Variants in LEMD1 observed in about 807,000 individuals in gnomAD.
The protein encoded by LEMD1 is LEM domain containing 1.
LEMD1 carries 18 observed loss-of-function variants against 17.4 expected under a neutral mutation model. The observed-to-expected ratio is 1.04, with a 90% CI of 0.72 to 1.54. The LOEUF is 1.54. Among genes scored for constraint, LEMD1 ranks in the 40% most tolerant of loss-of-function variants. The pLI is 0.00. For synonymous variants in LEMD1, 88 were observed against 77.8 expected, an observed-to-expected ratio of 1.13 and a Z score of -0.69; for missense variants, 195 against 210.4, an observed-to-expected ratio of 0.93 and a Z score of 0.45.
intron 1 of LEMD1, chr1:205,435,965 G>C (rs894911168): frequency 8.5e-5 from 13 of 152,250 alleles, no homozygotes; most frequent in African/African-American, 3.1e-4. Flanking sequence ...TAAAGGATGA[G>C]GGCAGAAACC....
chr1:205,385,512 T>C (rs1052321358), intron 4 of LEMD1: 1 of 152,180 alleles, frequency 6.6e-6, no homozygotes, highest in Non-Finnish European at 1.5e-5. Context: ...CCTTATGTTT[T>C]ATTTATTCAT....
At chr1:205,427,896 T>C (rs1666077804) in intron 1 of LEMD1, among the ~76,000 whole-genome samples, 1 of 152,222 alleles carries the variant, frequency 6.6e-6, no homozygotes, top group South Asian at 2.1e-4. Context: ...GTCAATTCCA[T>C]ACTCGTGAAA....
At chr1:205,449,354 C>A (rs1320850787) in intron 1 of LEMD1, among the ~76,000 whole-genome samples, 2 of 152,120 alleles carry the variant, frequency 1.3e-5, no homozygotes, top group Non-Finnish European at 2.9e-5. Flanking sequence ...CTAGCCCAGG[C>A]TCAGGAAAGC....
At chr1:205,432,561 G>A (rs1007587468) in intron 1 of LEMD1, among the ~76,000 whole-genome samples, 1 of 152,260 alleles carries the variant, frequency 6.6e-6, no homozygotes, top group East Asian at 1.9e-4. Context: ...ACTTTGGAGA[G>A]GAGAGGAATT....
At chr1:205,438,992 C>A (rs1401382507) in intron 1 of LEMD1, among the ~76,000 whole-genome samples, 1 of 152,232 alleles carries the variant, frequency 6.6e-6, no homozygotes, top group Non-Finnish European at 1.5e-5. Context: ...GTGGTCAGGA[C>A]ATAACACCCA....
chr1:205,396,398 C>T (rs1664593262), intron 4 of LEMD1, among the ~76,000 whole-genome samples: 3 of 152,042 alleles, frequency 2.0e-5, no homozygotes. Context: ...TTAAGTTGAA[C>T]ATGTGTAGAC....
At chr1:205,438,898 C>T (rs1666250536) in intron 1 of LEMD1, among the ~76,000 whole-genome samples, 2 of 152,100 alleles carry the variant, frequency 1.3e-5, no homozygotes, top group Admixed American at 1.3e-4. Flanking sequence ...CTGAGAGGCG[C>T]ACAAGGGGAA....
intron 1 of LEMD1, among the ~76,000 whole-genome samples, chr1:205,427,471 T>G (rs974020393): frequency 7.0e-5 from 10 of 143,284 alleles, no homozygotes; most frequent in Non-Finnish European, 1.4e-4. Context: ...CTGCTTTTTC[T>G]CAAAAGAACA....
chr1:205,428,314 A>G (rs937714364), intron 1 of LEMD1, among the ~76,000 whole-genome samples: 27 of 152,150 alleles, frequency 1.8e-4, no homozygotes, highest in African/African-American at 6.5e-4. Context: ...TATCTTTGAG[A>G]AAGAGCCCTT....
intron 4 of LEMD1, among the ~76,000 whole-genome samples, chr1:205,412,788 C>T (rs1052230571): frequency 1.3e-5 from 2 of 152,164 alleles, no homozygotes; most frequent in African/African-American, 4.8e-5. Context: ...CTATTTAATT[C>T]TATTGCCAAT....
At chr1:205,431,368 T>C (rs1666123508) in intron 1 of LEMD1, among the ~76,000 whole-genome samples, 1 of 152,236 alleles carries the variant, frequency 6.6e-6, no homozygotes, top group African/African-American at 2.4e-5. Flanking sequence ...TTAACTCATA[T>C]TGAACACCTG....
chr1:205,381,906 T>A (rs769738285), intron 5 of LEMD1, 50 bp from the exon 6 acceptor site: 28 of 1,581,052 alleles, frequency 1.8e-5, no homozygotes, highest in Non-Finnish European at 2.3e-5. Context: ...GTGGTGCACT[T>A]GAGTAGCCCC....
Position 205,419,258 on chromosome 1 carries a change from A to C in LEMD1, c.177T>G (p.Asp59Glu). Residue 59 changes from aspartate to glutamate, a missense_variant, in exon 3 of 6, where the codon GAT becomes GAG. By Grantham distance (45) the Asp-to-Glu change is conservative. Transcript: ENST00000367153. Reference protein sequence around the residue: ...PPVMNGPRELDGAQDSDDSEE... With the variant: ...PPVMNGPRELEGAQDSDDSEE... The stretch of plus-strand genomic sequence containing the variant: ...CGCTGTCATCACTGTCCTGCGCTCC[A>C]TCCAGCTCTCTGGGTCCATTCATCA... 6.2e-7 allele frequency: 1 copy of C among 1,614,182 alleles called. No individual in the cohort carries two copies. Among genetic ancestry groups the C allele is most frequent in the Non-Finnish European group, 8.5e-7 (1 of 1,180,020 alleles).
upstream of LEMD1, among the ~76,000 whole-genome samples, chr1:205,425,616 G>A (rs1666044338): frequency 6.6e-6 from 1 of 152,180 alleles, no homozygotes; most frequent in Non-Finnish European, 1.5e-5. Flanking sequence ...GAGCCCAGTA[G>A]ACTCCACTCT....
At position 205,416,194 on chromosome 1, in the gene LEMD1, T is replaced by A. The variant is rs772044300; in HGVS notation, c.270+38A>T. On this transcript the variant is annotated intron_variant, in intron 4 of 5. Transcript: ENST00000367153. ...ACAGAGCTACTCCCTGTTTTTAATA[T>A]ATGGGTATAAGTATTCAGGCATTAG... is the stretch of plus-strand genomic sequence containing the variant. The A allele has an allele frequency of 5.2e-6, 7 of 1,333,944 alleles. No homozygotes were observed. The South Asian group carries it at 9.0e-5, about 17-fold the overall frequency. 82.6% of individuals were successfully genotyped at this position (1,333,944 alleles called of 1,614,324 possible).
intron 1 of LEMD1, 32 bp from the exon 2 acceptor site, chr1:205,420,606 A>G: frequency 4.2e-6 from 5 of 1,181,044 alleles, no homozygotes; most frequent in Non-Finnish European, 6.3e-6. Context: ...ATTCATTAAG[A>G]CAGCCTTACC....
At chr1:205,390,529 C>A (rs1038533443) in intron 4 of LEMD1, among the ~76,000 whole-genome samples, 1 of 152,128 alleles carries the variant, frequency 6.6e-6, no homozygotes, top group African/African-American at 2.4e-5. Context: ...CGCTCTACTT[C>A]ACTAGTATAA....
intron 4 of LEMD1, among the ~76,000 whole-genome samples, chr1:205,390,991 C>G (rs772987226): frequency 1.3e-5 from 2 of 148,502 alleles, no homozygotes; most frequent in Admixed American, 1.3e-4. Context: ...TCATTAGAAG[C>G]CCAATTCTCA....
At chr1:205,443,537 C>A (rs1666332184) in intron 1 of LEMD1, among the ~76,000 whole-genome samples, 1 of 152,160 alleles carries the variant, frequency 6.6e-6, no homozygotes, top group Non-Finnish European at 1.5e-5. Context: ...GGGCTAGGGG[C>A]TGTAGCCTGG....
Sources: gnomAD v4.1 joint callset for allele counts (sites outside exome capture counted in the v4.1 genomes callset) on GRCh38, gnomAD v4.1.1 for gene constraint, MANE v1.5 for transcripts, NCBI Gene and HGNC (gene_info 2026-07-23, HGNC 2026-07-21) for gene names.